CDH13: variants seen among roughly 807,000 people sequenced by gnomAD.
CDH13 encodes the protein cadherin-13.
In CDH13, 24 loss-of-function variants were observed where a neutral mutation model predicts 63.8. The observed-to-expected ratio is 0.38, with a 90% CI of 0.27 to 0.53. The LOEUF (loss-of-function observed/expected upper bound fraction) is 0.53, where lower values mean the gene tolerates loss of function less well. CDH13 is among the 20% of genes least tolerant of loss of function. The probability of loss-of-function intolerance (pLI) is 0.85; values close to 1 mark genes in which losing one functional copy is unlikely to be tolerated. For synonymous variants in CDH13, 503 were observed against 355.3 expected (o/e 1.42, Z -4.67); for missense variants, 1,049 against 903.1 (o/e 1.16, Z -2.07).
At chr16:82,787,708 G>C (rs986210008) in intron 1 of CDH13, among the ~76,000 whole-genome samples, 1 of 152,160 alleles carries the variant, frequency 6.6e-6, no homozygotes, top group Non-Finnish European at 1.5e-5. Flanking sequence ...GTGGGAAAAG[G>C]CTGGACTCAA....
chr16:82,800,530 C>T (rs940974580), intron 1 of CDH13, among the ~76,000 whole-genome samples: 1 of 152,200 alleles, frequency 6.6e-6, no homozygotes, highest in Non-Finnish European at 1.5e-5. Flanking sequence ...GATGTTGACA[C>T]ATTTCACAGA....
intron 3 of CDH13, among the ~76,000 whole-genome samples, chr16:83,121,268 A>G (rs1291068685): frequency 6.6e-6 from 1 of 152,168 alleles, no homozygotes; most frequent in Non-Finnish European, 1.5e-5. Flanking sequence ...TGTGATCACT[A>G]TAGTGTATAC....
chr16:83,031,214 A>G (rs543619971), intron 2 of CDH13, among the ~76,000 whole-genome samples: 196 of 146,808 alleles, frequency 1.3e-3, no homozygotes, highest in African/African-American at 4.6e-3. Flanking sequence ...TGTATACACC[A>G]TATACATGCG....
At chr16:82,914,264 A>G (rs571527350) in intron 2 of CDH13, among the ~76,000 whole-genome samples, 1 of 152,290 alleles carries the variant, frequency 6.6e-6, no homozygotes, top group South Asian at 2.1e-4. Flanking sequence ...AATAATAATA[A>G]TGCTTAAGAA....
At chr16:83,466,998 C>A (rs1257967482) in intron 6 of CDH13, among the ~76,000 whole-genome samples, 1 of 152,098 alleles carries the variant, frequency 6.6e-6, no homozygotes, top group African/African-American at 2.4e-5. Context: ...TATGTATTTT[C>A]CTTAAAAACC....
intron 3 of CDH13, among the ~76,000 whole-genome samples, chr16:83,064,098 C>T (rs868034240): frequency 1.1e-4 from 17 of 152,186 alleles, no homozygotes; most frequent in Non-Finnish European, 2.2e-4. Flanking sequence ...GGGCCAGGTG[C>T]GGTGGCTCAT....
At chr16:83,692,288 G>C (rs1249583082) in intron 10 of CDH13, among the ~76,000 whole-genome samples, 8 of 152,220 alleles carry the variant, frequency 5.3e-5, no homozygotes, top group Non-Finnish European at 1.2e-4. Flanking sequence ...TAAGAGCATG[G>C]GGAGGGAGTC....
intron 7 of CDH13, among the ~76,000 whole-genome samples, chr16:83,546,427 T>C (rs1369251369): frequency 2.3e-5 from 3 of 132,060 alleles, no homozygotes; most frequent in Admixed American, 7.9e-5. Context: ...GCCATACTAC[T>C]GGTTTTTTTT....
intron 4 of CDH13, among the ~76,000 whole-genome samples, chr16:83,202,472 G>A (rs2039060124): frequency 1.3e-5 from 2 of 152,162 alleles, no homozygotes; most frequent in African/African-American, 4.8e-5. Flanking sequence ...GACAGTAGCG[G>A]CTTCACAGAG....
chr16:83,216,397 A>AATATAT (rs1158270310), intron 4 of CDH13, among the ~76,000 whole-genome samples: 22 of 16,104 alleles, frequency 1.4e-3, no homozygotes, highest in African/African-American at 2.4e-3. Flanking sequence ...CCAGCATTGA[A>AATATAT]ATATATATAT....
chr16:83,437,297 A>G (rs1379183609), intron 6 of CDH13, among the ~76,000 whole-genome samples: 1 of 152,182 alleles, frequency 6.6e-6, no homozygotes, highest in Non-Finnish European at 1.5e-5. Flanking sequence ...TCATAGAAAT[A>G]TTATAAATAT....
At position 83,798,995 on chromosome 16, in the gene CDH13, C is replaced by T. The variant is rs1312084013; in HGVS notation, c.*3965C>T. 6.6e-6 allele frequency: 1 copy of T among 152,100 alleles called. No homozygotes were observed. Among genetic ancestry groups the T allele is most frequent in the Non-Finnish European group, 1.5e-5 (1 of 68,008 alleles). 9.4% of individuals were successfully genotyped at this position (152,100 alleles called of 1,614,324 possible). On this transcript the variant is annotated 3_prime_UTR_variant, in exon 14 of 14. Coordinates refer to ENST00000567109, the MANE Select transcript of CDH13 (RefSeq NM_001257.5). Reference sequence around the variant, plus strand: ...GTTAGCAGGTAGATGAGGGGCTTCTCCTAGATTAATTTAACATCTCAGTTA... The same window carrying T: ...GTTAGCAGGTAGATGAGGGGCTTCTTCTAGATTAATTTAACATCTCAGTTA...
chr16:83,749,642 A>G (rs1645841), intron 11 of CDH13, among the ~76,000 whole-genome samples: 36,635 of 152,160 alleles, frequency 0.24, 4,997 homozygotes, highest in Non-Finnish European at 0.32. Flanking sequence ...AATATCAGGT[A>G]GACAATGTTC....
chr16:83,298,680 A>C (rs1458129386), intron 5 of CDH13, among the ~76,000 whole-genome samples: 1 of 152,118 alleles, frequency 6.6e-6, no homozygotes, highest in East Asian at 1.9e-4. Flanking sequence ...TCACAGAATC[A>C]CTCTTGATTA....
chr16:82,903,006 A>C (rs368373304), intron 2 of CDH13, among the ~76,000 whole-genome samples: 25 of 152,344 alleles, frequency 1.6e-4, no homozygotes, highest in African/African-American at 4.3e-4. Flanking sequence ...TCTCTAGTTC[A>C]GGCATTCTGT....
intron 4 of CDH13, among the ~76,000 whole-genome samples, chr16:83,168,499 A>G (rs1401660838): frequency 6.6e-6 from 1 of 152,078 alleles, no homozygotes; most frequent in Non-Finnish European, 1.5e-5. Flanking sequence ...ACAGAATGAC[A>G]GAGTCAACTT....
chr16:83,317,390 T>C (rs1465117320), intron 5 of CDH13, among the ~76,000 whole-genome samples: 1 of 152,202 alleles, frequency 6.6e-6, no homozygotes, highest in African/African-American at 2.4e-5. Flanking sequence ...TCAAAGCCTA[T>C]GCTTGTGTTA....
Position 83,146,206 on chromosome 16 carries a change from A to AAAAAG in CDH13, c.483+20716_483+20720dup, listed in dbSNP as rs1444064889. Among the ~76,000 whole-genome samples, 175 of 147,806 alleles carry AAAAAG rather than the reference A, an allele frequency of 1.2e-3. 2 individuals carry two copies. The highest frequency in any genetic ancestry group is 4.2e-3 in the African/African-American group (161 of 38,102). ...AAGACTCTGTCTCAAAAAAAAAAAA[A>AAAAAG]AAAAGAAAAGAAAAGGAAGGAGGGA... is the stretch of plus-strand genomic sequence containing the variant. On this transcript the variant is annotated intron_variant, in intron 4 of 13. Transcript: ENST00000567109.
chr16:83,390,320 A>G (rs981879861), intron 6 of CDH13, among the ~76,000 whole-genome samples: 1 of 152,140 alleles, frequency 6.6e-6, no homozygotes, highest in African/African-American at 2.4e-5. Flanking sequence ...ATGCAGCATC[A>G]CTGAACAGAA....
Sources: gnomAD v4.1 joint callset for allele counts (sites outside exome capture counted in the v4.1 genomes callset) on GRCh38, gnomAD v4.1.1 for gene constraint, MANE v1.5 for transcripts, NCBI Gene and HGNC (gene_info 2026-07-23, HGNC 2026-07-21) for gene names.